LRRIQ1: variants seen among roughly 807,000 people sequenced by gnomAD.
LRRIQ1 encodes leucine rich repeats and IQ motif containing 1, also known as leucine-rich repeat- and IQ domain-containing protein 1.
In LRRIQ1, 210 loss-of-function variants were observed where a neutral mutation model predicts 211.9. That is an observed-to-expected ratio of 0.99 (90% CI 0.89 to 1.11). LRRIQ1 has a LOEUF of 1.11. Ranked by LOEUF, LRRIQ1 falls within the 50% of genes most tolerant of loss-of-function variation. The pLI, the probability that LRRIQ1 is intolerant of heterozygous loss-of-function variation, is 0.00. For missense variants in LRRIQ1, 2,136 were observed against 1,939.5 expected, an observed-to-expected ratio of 1.10 and a Z score of -1.90; for synonymous variants, 699 against 650.1, an observed-to-expected ratio of 1.08 and a Z score of -1.14.
intron 15 of LRRIQ1, among the ~76,000 whole-genome samples, chr12:85,116,206 G>T (rs1887563155): frequency 6.6e-6 from 1 of 152,106 alleles, no homozygotes; most frequent in Non-Finnish European, 1.5e-5. Flanking sequence ...GCAGTGGCGC[G>T]ATCTCGGCTC....
chr12:85,244,827 T>C lies in LRRIQ1; in HGVS notation c.5055T>C (p.Leu1685=), dbSNP rs1593020535. Residue 1685 remains leucine, a synonymous_variant, in exon 27 of 27, where the codon CTT becomes CTC. Coordinates refer to ENST00000393217, the MANE Select transcript of LRRIQ1 (RefSeq NM_001079910.2). ...LVSREDTDLD[L]FSMTNGSALS... Reference sequence around the variant, plus strand: ...GCAGAGAAGACACGGATTTAGACCTTTTTTCCATGACCAATGGAAGTGCTT... The same window carrying C: ...GCAGAGAAGACACGGATTTAGACCTCTTTTCCATGACCAATGGAAGTGCTT... 6.2e-7 allele frequency: 1 copy of C among 1,611,466 alleles called. No individual in the cohort carries two copies. The highest frequency in any genetic ancestry group is 8.5e-7 in the Non-Finnish European group (1 of 1,178,292).
intron 24 of LRRIQ1, among the ~76,000 whole-genome samples, chr12:85,203,810 A>G (rs1470035841): frequency 6.6e-6 from 1 of 152,142 alleles, no homozygotes; most frequent in African/African-American, 2.4e-5. Flanking sequence ...AAACAGCATA[A>G]AAGTATGAGG....
At chr12:85,093,517 T>A (rs1885595008) in intron 11 of LRRIQ1, among the ~76,000 whole-genome samples, 1 of 152,188 alleles carries the variant, frequency 6.6e-6, no homozygotes, top group South Asian at 2.1e-4. Flanking sequence ...GTGAGATGGC[T>A]TTCTAAAGGT....
intron 24 of LRRIQ1, among the ~76,000 whole-genome samples, chr12:85,210,483 T>A (rs1214215380): frequency 6.6e-6 from 1 of 152,222 alleles, no homozygotes; most frequent in African/African-American, 2.4e-5. Context: ...AACTAAAATG[T>A]AAATGTCTTG....
At chr12:85,161,497 G>T (rs951528262) in intron 24 of LRRIQ1, among the ~76,000 whole-genome samples, 3 of 151,606 alleles carry the variant, frequency 2.0e-5, no homozygotes, top group East Asian at 3.9e-4. Context: ...ATAGAAAAAT[G>T]GAATCATATT....
At position 85,124,257 on chromosome 12, in the gene LRRIQ1, T is replaced by A; in HGVS notation, c.3745T>A (p.Phe1249Ile). 1 of 1,614,128 alleles carries A rather than the reference T, an allele frequency of 6.2e-7. No individual in the cohort carries two copies. Among genetic ancestry groups the A allele is most frequent in the Non-Finnish European group, 8.5e-7 (1 of 1,180,026 alleles). The change falls in exon 17 of 27, where the codon TTC becomes ATC. Residue 1249 changes from phenylalanine (F) to isoleucine (I), a missense_variant. Phe to Ile is a conservative substitution (Grantham distance 21). Transcript: ENST00000393217. ...TGACAGCACTCTGCAAAATGGAGTC[T>A]TCTACTCTTGTGCACGTGAAGGTGA... ...NSDSTLQNGV[F>I]YSCAREGEPD...
In LRRIQ1 at chr12:85,040,677, T is replaced by A. The variant is rs1482703001; in HGVS notation, c.244+76T>A. The A allele has an allele frequency of 7.4e-6, 6 of 814,900 alleles. No homozygotes were observed. In the African/African-American group the frequency reaches 8.7e-5, roughly 12 times the overall value. 50.5% of individuals were successfully genotyped at this position (814,900 alleles called of 1,614,324 possible). A position where few individuals can be genotyped will look rare whatever the true frequency, so the allele number is the denominator to read the frequency against. On this transcript the variant is annotated intron_variant, in intron 3 of 26. Coordinates refer to ENST00000393217, the MANE Select transcript of LRRIQ1 (RefSeq NM_001079910.2). The stretch of plus-strand genomic sequence containing the variant: ...CAAATTATAATTTAGTAAACTAAAG[T>A]GCTTAAAGTTCTTATCTCTTACTGT...
At chr12:85,191,849 T>C (rs144337556) in intron 24 of LRRIQ1, among the ~76,000 whole-genome samples, 5 of 152,110 alleles carry the variant, frequency 3.3e-5, no homozygotes, top group African/African-American at 9.6e-5. Flanking sequence ...GTTGTTTATT[T>C]TACAATTCCT....
intron 24 of LRRIQ1, among the ~76,000 whole-genome samples, chr12:85,217,584 A>ATATATATGTATATATGTATATGTG (rs1894186177): frequency 2.3e-5 from 1 of 42,632 alleles, no homozygotes; most frequent in Non-Finnish European, 3.6e-5. Context: ...ATACATATGT[A>ATATATATGTATATATGTATATGTG]TATATATATG....
chr12:85,197,120 A>G (rs1158040899), intron 24 of LRRIQ1, among the ~76,000 whole-genome samples: 1 of 152,216 alleles, frequency 6.6e-6, no homozygotes, highest in African/African-American at 2.4e-5. Context: ...AATCAAAACC[A>G]CAATGAGATA....
At chr12:85,064,548 G>C (rs912785808) in intron 8 of LRRIQ1, among the ~76,000 whole-genome samples, 1 of 151,468 alleles carries the variant, frequency 6.6e-6, no homozygotes, top group African/African-American at 2.4e-5. Flanking sequence ...GTCCATTTTT[G>C]CCTTGGTTGC....
chr12:85,159,848 G>GA (rs1310823905), intron 23 of LRRIQ1, among the ~76,000 whole-genome samples: 2 of 151,376 alleles, frequency 1.3e-5, no homozygotes, highest in African/African-American at 4.8e-5. Context: ...AGTTCATATT[G>GA]AATTCATAAG....
At chr12:85,197,546 G>A (rs918615422) in intron 24 of LRRIQ1, among the ~76,000 whole-genome samples, 213 of 150,750 alleles carry the variant, frequency 1.4e-3, no homozygotes, top group Middle Eastern at 0.01. Context: ...GATGAAATTG[G>A]AAATCATCAT....
chr12:85,048,802 G>A (rs971722248), intron 6 of LRRIQ1, among the ~76,000 whole-genome samples: 2 of 152,132 alleles, frequency 1.3e-5, no homozygotes, highest in South Asian at 2.1e-4. Context: ...TTGTTGGTTT[G>A]TACTAAAATA....
chr12:85,233,294 A>G (rs952663287), intron 26 of LRRIQ1, among the ~76,000 whole-genome samples: 20 of 151,958 alleles, frequency 1.3e-4, no homozygotes, highest in African/African-American at 2.9e-4. Context: ...ATATGCTACT[A>G]GATAAGCAGA....
In LRRIQ1 at chr12:85,120,339, G is replaced by C. The variant is rs139821824; in HGVS notation, c.3378-1358G>C. Among the ~76,000 whole-genome samples the C allele has an allele frequency of 2.0e-5, 3 of 152,162 alleles. No homozygotes were observed. In the South Asian group the frequency reaches 6.2e-4, roughly 32 times the overall value. ...TTGCTCCTTTGCCAAAGATCAGTTCGCTATATTTGTGTGGATCTATTTCTG... is the reference window on the plus strand; with the variant it reads ...TTGCTCCTTTGCCAAAGATCAGTTCCCTATATTTGTGTGGATCTATTTCTG... On this transcript the variant is annotated intron_variant, in intron 15 of 26. Transcript: ENST00000393217.
At chr12:85,213,311 A>T (rs529344724) in intron 24 of LRRIQ1, among the ~76,000 whole-genome samples, 21 of 152,156 alleles carry the variant, frequency 1.4e-4, no homozygotes, top group African/African-American at 4.6e-4. Context: ...TACTTTTAAT[A>T]AACTAGTATA....
chr12:85,221,197 A>G (rs1894387098), intron 24 of LRRIQ1, among the ~76,000 whole-genome samples: 1 of 152,140 alleles, frequency 6.6e-6, no homozygotes, highest in Non-Finnish European at 1.5e-5. Context: ...TTCTATTATA[A>G]TAATTAAATT....
intron 19 of LRRIQ1, among the ~76,000 whole-genome samples, chr12:85,144,066 G>C (rs1330361510): frequency 6.6e-6 from 1 of 151,392 alleles, no homozygotes; most frequent in Non-Finnish European, 1.5e-5. Flanking sequence ...ACCTCCTCCT[G>C]TCCTCCGCCC....
Sources: allele counts gnomAD v4.1 joint callset (sites outside exome capture counted in the v4.1 genomes callset), GRCh38; gene constraint gnomAD v4.1.1; transcripts MANE v1.5; gene names NCBI Gene and HGNC (gene_info 2026-07-23, HGNC 2026-07-21).